The following SV2C variants were observed in gnomAD, a reference collection of about 807,000 sequenced individuals.
SV2C encodes synaptic vesicle glycoprotein 2C, also known as solute carrier family 22 member B3.
In SV2C, 49 loss-of-function variants were observed where a neutral mutation model predicts 79.7. The ratio of observed to expected loss-of-function variants is 0.61; its 90% CI spans 0.49 to 0.78. SV2C has a LOEUF of 0.78. Among genes scored for constraint, SV2C ranks in the 30% least tolerant of loss-of-function variants. The probability of loss-of-function intolerance (pLI) is 0.00; values close to 1 mark genes in which losing one functional copy is unlikely to be tolerated. For synonymous variants in SV2C, 334 were observed against 333.2 expected, an observed-to-expected ratio of 1.00 and a Z score of -0.03; for missense variants, 833 against 912.9, an observed-to-expected ratio of 0.91 and a Z score of 1.13.
chr5:75,895,703 T>C, the SV2C span, among the ~76,000 whole-genome samples: 2 of 152,092 alleles, frequency 1.3e-5, no homozygotes, highest in Non-Finnish European at 2.9e-5. Context: ...TCATGCCACA[T>C]GCATGCAGCA....
At chr5:76,247,140 G>A (rs1745970238) in intron 4 of SV2C, among the ~76,000 whole-genome samples, 1 of 152,156 alleles carries the variant, frequency 6.6e-6, no homozygotes, top group South Asian at 2.1e-4. Flanking sequence ...TCCCTAATTG[G>A]TAAGACAGGG....
chr5:75,856,096 A>G, the SV2C span, among the ~76,000 whole-genome samples: 1 of 152,190 alleles, frequency 6.6e-6, no homozygotes, highest in Non-Finnish European at 1.5e-5. Context: ...CTCCAGTTCC[A>G]TCCATGTTGT....
At chr5:75,975,571 T>C in the SV2C span, among the ~76,000 whole-genome samples, 1 of 152,178 alleles carries the variant, frequency 6.6e-6, no homozygotes, top group African/African-American at 2.4e-5. Context: ...TCAAGCTCCA[T>C]GTGACAAGAT....
At chr5:75,933,175 C>T in the SV2C span, among the ~76,000 whole-genome samples, 3 of 152,180 alleles carry the variant, frequency 2.0e-5, no homozygotes, top group South Asian at 6.2e-4. Flanking sequence ...AGAAGCCTTT[C>T]CTAACCCTAC....
At chr5:76,212,266 T>G (rs1462713563) in intron 4 of SV2C, among the ~76,000 whole-genome samples, 1 of 152,008 alleles carries the variant, frequency 6.6e-6, no homozygotes, top group African/African-American at 2.4e-5. Flanking sequence ...AAATGCAGAG[T>G]CCAGCTTTAC....
chr5:76,184,944 G>A (rs896345137), intron 2 of SV2C, among the ~76,000 whole-genome samples: 1 of 152,156 alleles, frequency 6.6e-6, no homozygotes, highest in Non-Finnish European at 1.5e-5. Flanking sequence ...TCTGAGACAA[G>A]GCAAATCCCT....
chr5:76,091,532 T>G (rs1747374577), intron 1 of SV2C, among the ~76,000 whole-genome samples: 1 of 152,074 alleles, frequency 6.6e-6, no homozygotes, highest in Non-Finnish European at 1.5e-5. Flanking sequence ...CCCTGGAGAG[T>G]TTAGAGAATC....
intron 3 of SV2C, among the ~76,000 whole-genome samples, chr5:76,207,077 A>G (rs932103531): frequency 5.3e-5 from 8 of 152,154 alleles, no homozygotes; most frequent in Non-Finnish European, 7.3e-5. Context: ...AGAAGCCCCT[A>G]CAAGTTGGTG....
chr5:76,186,563 A>AC (rs1246861007), intron 2 of SV2C, among the ~76,000 whole-genome samples: 2 of 152,174 alleles, frequency 1.3e-5, no homozygotes, highest in African/African-American at 4.8e-5. Context: ...ATGGTGGCAC[A>AC]CACCTGTGAT....
intron 2 of SV2C, among the ~76,000 whole-genome samples, chr5:76,170,081 T>G (rs1743174295): frequency 6.6e-6 from 1 of 152,200 alleles, no homozygotes; most frequent in Non-Finnish European, 1.5e-5. Context: ...TTATTTTTAT[T>G]TTTTAAGTTA....
intron 4 of SV2C, among the ~76,000 whole-genome samples, chr5:76,212,193 G>C (rs1744786970): frequency 6.6e-6 from 1 of 152,030 alleles, no homozygotes; most frequent in African/African-American, 2.4e-5. Flanking sequence ...CAACTCACTG[G>C]TTCAAGTGGA....
At chr5:75,938,984 G>T in the SV2C span, among the ~76,000 whole-genome samples, 2 of 152,072 alleles carry the variant, frequency 1.3e-5, no homozygotes, top group Non-Finnish European at 2.9e-5. Context: ...CTGGGGAGAG[G>T]CAGGGGAATG....
chr5:76,343,371 G>T (rs1749479250), intron 12 of SV2C, among the ~76,000 whole-genome samples: 1 of 151,982 alleles, frequency 6.6e-6, no homozygotes, highest in Non-Finnish European at 1.5e-5. Flanking sequence ...ATACAAAAAA[G>T]ACATGCAACC....
intron 1 of SV2C, among the ~76,000 whole-genome samples, chr5:76,108,412 A>G (rs1747993801): frequency 6.6e-6 from 1 of 152,240 alleles, no homozygotes. Context: ...TGGAAGAGTC[A>G]TACAGAAAGG....
chr5:76,298,898 C>T lies in SV2C; in HGVS notation c.1607C>T (p.Thr536Ile), dbSNP rs762560611. 1 of 1,613,872 alleles carries T rather than the reference C, an allele frequency of 6.2e-7. No homozygotes were observed. Among genetic ancestry groups the T allele is most frequent in the East Asian group, 2.2e-5 (1 of 44,876 alleles). Residue 536 changes from threonine to isoleucine, a missense_variant, in exon 10 of 13, where the codon ACA (threonine) becomes ATA (isoleucine). Physicochemically the swap from Thr to Ile is moderately conservative, Grantham distance 89 (BLOSUM62 -1). Transcript: ENST00000502798. ...TSVNTYFKNC[T>I]FIDTVFDNTD... ...GTGAACACCTACTTCAAGAACTGCACATTTATTGACACTGTTTTTGACAAC... is the reference window on the plus strand; with the variant it reads ...GTGAACACCTACTTCAAGAACTGCATATTTATTGACACTGTTTTTGACAAC...
In SV2C at chr5:76,106,498, G is replaced by A. The variant is rs536093325; in HGVS notation, c.-102+22986G>A. ...CACAGTAAAAGCCGAAGTCCTTACA[G>A]ATGTACACAGGGCTTTATATCCTAT... On this transcript the variant is annotated intron_variant, in intron 1 of 12. Transcript: ENST00000502798. Among the ~76,000 whole-genome samples, 8 of 152,312 alleles carry A rather than the reference G, an allele frequency of 5.3e-5. No homozygotes were observed. In the South Asian group the frequency reaches 1.7e-3, roughly 32 times the overall value.
chr5:76,262,870 A>G (rs1473783321), intron 4 of SV2C, among the ~76,000 whole-genome samples: 2 of 152,180 alleles, frequency 1.3e-5, no homozygotes, highest in Non-Finnish European at 2.9e-5. Context: ...TTATTTTAGA[A>G]TAAGTATGAT....
chr5:76,139,859 T>TAAAATA (rs1749196199), intron 2 of SV2C, among the ~76,000 whole-genome samples: 11 of 82,572 alleles, frequency 1.3e-4, no homozygotes, highest in South Asian at 4.0e-4. Flanking sequence ...TGAAAGTATT[T>TAAAATA]TTTTTTTTTT....
chr5:76,041,957 G>T, the SV2C span, among the ~76,000 whole-genome samples: 3,712 of 152,204 alleles, frequency 0.024, 159 homozygotes, highest in African/African-American at 0.084. Context: ...CGCTCCCCCT[G>T]CTTTGCCTTC....
Sources: allele counts gnomAD v4.1 joint callset (sites outside exome capture counted in the v4.1 genomes callset), GRCh38; gene constraint gnomAD v4.1.1; transcripts MANE v1.5; gene names NCBI Gene and HGNC (gene_info 2026-07-23, HGNC 2026-07-21).